Variants in MORC1 observed in about 807,000 individuals in gnomAD.
The protein encoded by MORC1 is MORC family CW-type zinc finger protein 1.
MORC1 carries 59 observed loss-of-function variants against 134.9 expected under a neutral mutation model. The ratio of observed to expected loss-of-function variants is 0.44; its 90% CI spans 0.35 to 0.54. MORC1 has a LOEUF of 0.54. MORC1 is among the 20% of genes least tolerant of loss of function. The pLI, the probability that MORC1 is intolerant of heterozygous loss-of-function variation, is 0.00. For missense variants in MORC1, 947 were observed against 1,134.5 expected, an observed-to-expected ratio of 0.83 and a Z score of 2.37; for synonymous variants, 395 against 391.7, an observed-to-expected ratio of 1.01 and a Z score of -0.10.
At position 109,035,483 on chromosome 3, in the gene MORC1, A is replaced by AAG; in HGVS notation, c.1331-16_1331-15insCT. The stretch of plus-strand genomic sequence containing the variant: ...ATTTCTATTATCTTTTAAAAAAAAA[A>AAG]GCAGGCAAAGAATAACAAAAAAAAA... On this transcript the variant is annotated splice_polypyrimidine_tract_variant and intron_variant, in intron 14 of 27. Coordinates refer to ENST00000232603, the MANE Select transcript of MORC1 (RefSeq NM_014429.4). 1 of 1,414,988 alleles carries AAG rather than the reference A, an allele frequency of 7.1e-7. No homozygotes were observed. Among genetic ancestry groups the AAG allele is most frequent in the Non-Finnish European group, 9.5e-7 (1 of 1,051,478 alleles). 87.7% of individuals were successfully genotyped at this position (1,414,988 alleles called of 1,614,324 possible).
intron 24 of MORC1, among the ~76,000 whole-genome samples, chr3:108,977,595 AT>A (rs1341193973): frequency 3.9e-5 from 6 of 152,180 alleles, no homozygotes; most frequent in African/African-American, 1.4e-4. Context: ...ATATCTATAC[AT>A]TTTTAATGAT....
chr3:109,056,418 G>A lies in MORC1; in HGVS notation c.1175+925C>T, dbSNP rs533306897. Among the ~76,000 whole-genome samples the A allele has an allele frequency of 3.9e-5, 6 of 152,156 alleles. No homozygotes were observed. The South Asian group carries it at 1.2e-3, about 32-fold the overall frequency. On this transcript the variant is annotated intron_variant, in intron 13 of 27. Coordinates refer to ENST00000232603, the MANE Select transcript of MORC1 (RefSeq NM_014429.4). The stretch of plus-strand genomic sequence containing the variant: ...AATTTTCTGTATTTCTAGTAGAGAC[G>A]GGGTTTCACCGTGCTAGCCAGGATG...
intron 8 of MORC1, among the ~76,000 whole-genome samples, chr3:109,073,467 G>C (rs761944647): frequency 6.6e-6 from 1 of 152,228 alleles, no homozygotes; most frequent in South Asian, 2.1e-4. Context: ...ATGTAAGGCA[G>C]GTTGCCACAA....
chr3:109,093,603 T>C, intron 7 of MORC1, 62 bp from the exon 8 acceptor site: 1 of 1,189,242 alleles, frequency 8.4e-7, no homozygotes. Flanking sequence ...CTAGTCATTG[T>C]GCTATCATTT....
chr3:109,009,210 T>G lies in MORC1; in HGVS notation c.1705-2119A>C, dbSNP rs570407265. On this transcript the variant is annotated intron_variant, in intron 17 of 27. Coordinates refer to ENST00000232603, the MANE Select transcript of MORC1 (RefSeq NM_014429.4). ...TCCTATTTTTACGTTTTTTGTTGTT[T>G]TTTTTTTTTTTTTTGAGACAGAGTC... Among the ~76,000 whole-genome samples the G allele has an allele frequency of 2.6e-4, 38 of 145,362 alleles. No individual in the cohort carries two copies. In the East Asian group the frequency reaches 5.1e-3, roughly 19 times the overall value.
intron 8 of MORC1, among the ~76,000 whole-genome samples, chr3:109,086,205 G>A (rs533972050): frequency 6.6e-6 from 1 of 152,126 alleles, no homozygotes; most frequent in Admixed American, 6.5e-5. Context: ...ACAATCATCT[G>A]TGGTACAATT....
At chr3:109,104,801 T>C (rs1950992327) in intron 3 of MORC1, among the ~76,000 whole-genome samples, 1 of 152,142 alleles carries the variant, frequency 6.6e-6, no homozygotes, top group South Asian at 2.1e-4. Flanking sequence ...AATGACAGTG[T>C]TATTCAGGAA....
chr3:109,020,193 G>A (rs1194980748), intron 17 of MORC1, among the ~76,000 whole-genome samples: 1 of 152,240 alleles, frequency 6.6e-6, no homozygotes, highest in Non-Finnish European at 1.5e-5. Context: ...CTGTTCAGAT[G>A]CATTTTAAGT....
chr3:109,105,044 T>C (rs956123221), intron 3 of MORC1, among the ~76,000 whole-genome samples: 4 of 152,132 alleles, frequency 2.6e-5, no homozygotes, highest in Admixed American at 6.5e-5. Flanking sequence ...TCTGTCCCCA[T>C]AGATTCATTT....
intron 8 of MORC1, among the ~76,000 whole-genome samples, chr3:109,070,175 T>C (rs1950286697): frequency 6.6e-6 from 1 of 152,196 alleles, no homozygotes; most frequent in Admixed American, 6.5e-5. Context: ...TAAGTCCTTA[T>C]AAACAGAGAA....
chr3:109,111,388 G>C (rs1237109874), intron 2 of MORC1, among the ~76,000 whole-genome samples: 21 of 152,166 alleles, frequency 1.4e-4, no homozygotes. Context: ...AGTTTCAAAG[G>C]AGACCCCGTA....
intron 24 of MORC1, 39 bp from the exon 25 acceptor site, chr3:108,971,441 G>A: frequency 6.4e-7 from 1 of 1,553,304 alleles, no homozygotes; most frequent in Non-Finnish European, 8.9e-7. Flanking sequence ...AATATACTAG[G>A]ATAACAGAGG....
In MORC1 at chr3:109,035,353, G is replaced by T; in HGVS notation, c.1446C>A (p.Phe482Leu). Reference protein sequence around the residue: ...YQRRQAMGIPFIIQCDLCLKW... With the variant: ...YQRRQAMGIPLIIQCDLCLKW... ...TTCAACACTCACCACATTGTATGAT[G>T]AATGGGATACCCATGGCTTGTCTTC... Residue 482 changes from phenylalanine (F) to leucine (L), a missense_variant, in exon 15 of 28, where the codon TTC (phenylalanine) becomes TTA (leucine). This residue lies in a region of MORC1 where 722 missense variants were observed against 817.0 expected (regional missense o/e 0.88). Coordinates refer to ENST00000232603, the MANE Select transcript of MORC1 (RefSeq NM_014429.4). 6 of 1,589,192 alleles carry T rather than the reference G, an allele frequency of 3.8e-6. No individual in the cohort carries two copies. Among genetic ancestry groups the T allele is most frequent in the Non-Finnish European group, 5.1e-6 (6 of 1,167,822 alleles).
At chr3:109,048,737 T>C (rs148414071) in intron 14 of MORC1, among the ~76,000 whole-genome samples, 2 of 152,156 alleles carry the variant, frequency 1.3e-5, no homozygotes, top group African/African-American at 4.8e-5. Flanking sequence ...CATGTTTTTT[T>C]CTTTGTGTGC....
intron 4 of MORC1, among the ~76,000 whole-genome samples, chr3:109,101,259 C>A (rs1011609716): frequency 1.3e-5 from 2 of 152,178 alleles, no homozygotes; most frequent in African/African-American, 2.4e-5. Context: ...AATTTCCCCA[C>A]GAATTTAGCC....
intron 26 of MORC1, 126 bp from the exon 27 acceptor site, chr3:108,963,734 A>T: frequency 1.6e-6 from 1 of 628,284 alleles, no homozygotes. Context: ...AGGTGGTCTA[A>T]ATTTAGGAAA....
chr3:109,081,747 C>T (rs1950524397), intron 8 of MORC1, among the ~76,000 whole-genome samples: 1 of 152,138 alleles, frequency 6.6e-6, no homozygotes, highest in African/African-American at 2.4e-5. Flanking sequence ...GCCACTGCGC[C>T]CAGCCAAGAA....
At chr3:109,011,348 T>C (rs1027721637) in intron 17 of MORC1, among the ~76,000 whole-genome samples, 3 of 152,238 alleles carry the variant, frequency 2.0e-5, no homozygotes, top group Non-Finnish European at 2.9e-5. Context: ...TCCATCGTAG[T>C]GAGTGTGTAG....
At chr3:109,011,593 C>T (rs1043686383) in intron 17 of MORC1, among the ~76,000 whole-genome samples, 7 of 151,334 alleles carry the variant, frequency 4.6e-5, no homozygotes, top group African/African-American at 1.7e-4. Flanking sequence ...ACAATCTGAG[C>T]TCACCGCAAC....
Sources: gnomAD v4.1 joint callset for allele counts (sites outside exome capture counted in the v4.1 genomes callset) on GRCh38, gnomAD v4.1.1 for gene constraint, gnomAD v4.1.1 regional missense constraint, MANE v1.5 for transcripts, NCBI Gene and HGNC (gene_info 2026-07-23, HGNC 2026-07-21) for gene names.